CFAP20DC: variants seen among roughly 807,000 people sequenced by gnomAD.
The protein encoded by CFAP20DC is CFAP20 domain containing.
In CFAP20DC, 84 loss-of-function variants were observed where a neutral mutation model predicts 101.7. The observed-to-expected ratio is 0.83, with a 90% CI of 0.69 to 0.99. CFAP20DC has a LOEUF of 0.99. Ranked by LOEUF, CFAP20DC falls within the 50% of genes least tolerant of loss-of-function variation. The probability of loss-of-function intolerance (pLI) is 0.00; values close to 1 mark genes in which losing one functional copy is unlikely to be tolerated. For missense variants in CFAP20DC, 1,007 were observed against 970.3 expected, an observed-to-expected ratio of 1.04 and a Z score of -0.50; for synonymous variants, 359 against 351.2, an observed-to-expected ratio of 1.02 and a Z score of -0.25.
intron 4 of CFAP20DC, among the ~76,000 whole-genome samples, chr3:58,999,511 A>C (rs578029950): frequency 8.5e-5 from 13 of 152,266 alleles, no homozygotes; most frequent in African/African-American, 2.9e-4. Context: ...AAGGGGCCTA[A>C]AGACTCAAGC....
At chr3:58,886,640 C>T (rs1176920927) in intron 6 of CFAP20DC, among the ~76,000 whole-genome samples, 4 of 151,394 alleles carry the variant, frequency 2.6e-5, no homozygotes, top group African/African-American at 4.9e-5. Context: ...TGAGCCTGGG[C>T]GGTGGAGGCT....
intron 16 of CFAP20DC, among the ~76,000 whole-genome samples, chr3:58,743,118 T>C (rs1239048987): frequency 1.3e-5 from 2 of 152,192 alleles, no homozygotes; most frequent in African/African-American, 2.4e-5. Context: ...TTTGTAGTTT[T>C]ATTAGTGGTG....
intron 15 of CFAP20DC, among the ~76,000 whole-genome samples, chr3:58,760,895 A>G (rs1479921386): frequency 2.0e-5 from 3 of 152,190 alleles, no homozygotes. Flanking sequence ...CCACTTGATC[A>G]TGGTGGATAA....
chr3:58,987,466 G>A lies in CFAP20DC; in HGVS notation c.279-49704C>T, dbSNP rs558669460. On this transcript the variant is annotated intron_variant, in intron 4 of 16. Coordinates refer to ENST00000482387, the MANE Select transcript of CFAP20DC (RefSeq NM_001394063.1). ...GTTGGAAAAACAATATATTACAAAA[G>A]TGGAAAGAAGGATTAAGAAAATAAT... Among the ~76,000 whole-genome samples, 11 of 152,036 alleles carry A rather than the reference G, an allele frequency of 7.2e-5. No individual in the cohort carries two copies. In the East Asian group the frequency reaches 1.9e-3, roughly 27 times the overall value.
intron 14 of CFAP20DC, among the ~76,000 whole-genome samples, chr3:58,816,088 T>C (rs1001999322): frequency 4.6e-5 from 7 of 151,712 alleles, no homozygotes; most frequent in Non-Finnish European, 1.0e-4. Context: ...TTATTCACAA[T>C]AGCAAAGACT....
chr3:58,860,845 A>T (rs1000981810), intron 12 of CFAP20DC, among the ~76,000 whole-genome samples: 2 of 152,218 alleles, frequency 1.3e-5, no homozygotes, highest in Admixed American at 6.5e-5. Flanking sequence ...TTCATTTTAC[A>T]TGGTAGTCTT....
At chr3:58,865,417 T>C (rs554018060) in intron 11 of CFAP20DC, among the ~76,000 whole-genome samples, 65 of 152,324 alleles carry the variant, frequency 4.3e-4, no homozygotes, top group African/African-American at 1.5e-3. Context: ...GTATACTTCC[T>C]AGAGAAAACC....
chr3:58,930,157 A>G (rs2086438936), intron 5 of CFAP20DC, among the ~76,000 whole-genome samples: 1 of 152,144 alleles, frequency 6.6e-6, no homozygotes, highest in African/African-American at 2.4e-5. Context: ...TTGTATGGAA[A>G]AGGTCTGTTT....
In CFAP20DC at chr3:58,869,474, C is replaced by T. The variant is rs1320555925; in HGVS notation, c.869G>A (p.Gly290Glu). 5 of 1,609,948 alleles carry T rather than the reference C, an allele frequency of 3.1e-6. No individual in the cohort carries two copies. The South Asian group carries it at 4.4e-5, about 14-fold the overall frequency. Residue 290 changes from glycine to glutamate, a missense_variant, in exon 9 of 17, where the codon GGG becomes GAG. By Grantham distance (98) the Gly-to-Glu change is moderately conservative. Transcript: ENST00000482387. This position sits in a 1 kb window ranked among gnomAD's most constrained non-coding sequence, Gnocchi z 4.3. ...CTGGCATGATCGGTTATTTTTGGAC[C>T]CAACGGATCTCACTGTCTGTAAAGG... Reference protein sequence around the residue: ...KISSETVRSVGSKNNRSCQPS... With the variant: ...KISSETVRSVESKNNRSCQPS...
chr3:59,047,131 C>T, intron 2 of CFAP20DC, 34 bp downstream of exon 2: 3 of 1,344,944 alleles, frequency 2.2e-6, no homozygotes, highest in Non-Finnish European at 3.1e-6. Flanking sequence ...CATTTCTTCC[C>T]CTGATTTATG....
chr3:58,918,710 G>A (rs943783743), intron 5 of CFAP20DC, among the ~76,000 whole-genome samples: 4 of 151,820 alleles, frequency 2.6e-5, no homozygotes, highest in African/African-American at 9.7e-5. Context: ...TTCTTCCCAG[G>A]GATGCAAGAG....
At chr3:58,998,860 T>G (rs983579601) in intron 4 of CFAP20DC, among the ~76,000 whole-genome samples, 1 of 152,230 alleles carries the variant, frequency 6.6e-6, no homozygotes, top group Non-Finnish European at 1.5e-5. Context: ...TTAAAAATTA[T>G]GGAGACTTGT....
chr3:58,789,063 C>T (rs2072628445), intron 15 of CFAP20DC, among the ~76,000 whole-genome samples: 1 of 152,110 alleles, frequency 6.6e-6, no homozygotes, highest in Admixed American at 6.6e-5. Flanking sequence ...GTATAAAACT[C>T]ACCACACAGT....
Position 58,831,699 on chromosome 3 carries a change from G to T in CFAP20DC, c.2162C>A (p.Ser721Tyr). 6.2e-7 allele frequency: 1 copy of T among 1,613,892 alleles called. No homozygotes were observed. The highest frequency in any genetic ancestry group is 8.5e-7 in the Non-Finnish European group (1 of 1,179,924). ...CCAGGGACTCACGGGTGGCAGGCAG[G>T]AGTTCCAGGTGGTTGTGTCGTCACT... is the stretch of plus-strand genomic sequence containing the variant. ...TSSDDTTTWN[S>Y]CLPPPVNQGR... The change falls in exon 14 of 17, where the codon TCC (serine) becomes TAC (tyrosine). Residue 721 changes from serine to tyrosine, a missense_variant. Coordinates refer to ENST00000482387, the MANE Select transcript of CFAP20DC (RefSeq NM_001394063.1).
At chr3:58,725,518 C>A (rs556583644) in intron 3 of CFAP20DC, among the ~76,000 whole-genome samples, 1 of 152,298 alleles carries the variant, frequency 6.6e-6, no homozygotes, top group Admixed American at 6.5e-5. Flanking sequence ...GGTTCAATCA[C>A]CTGACAGGTG....
chr3:58,844,052 CA>C (rs2108230393), intron 13 of CFAP20DC, among the ~76,000 whole-genome samples: 1 of 98,618 alleles, frequency 1.0e-5, no homozygotes, highest in East Asian at 2.9e-4. Context: ...CCAGCCGCTG[CA>C]AAATCATGCC....
intron 14 of CFAP20DC, among the ~76,000 whole-genome samples, chr3:58,824,132 A>G (rs2075877910): frequency 1.3e-5 from 2 of 152,168 alleles, no homozygotes; most frequent in African/African-American, 4.8e-5. Flanking sequence ...ATCTGCTCAT[A>G]TGATTTATCT....
At position 58,913,152 on chromosome 3, in the gene CFAP20DC, A is replaced by G. The variant is rs2084322074; in HGVS notation, c.550+556T>C. 6.6e-6 allele frequency among the ~76,000 whole-genome samples: 1 copy of G among 152,168 alleles called. No homozygotes were observed. Among genetic ancestry groups the G allele is most frequent in the Non-Finnish European group, 1.5e-5 (1 of 68,028 alleles). On this transcript the variant is annotated intron_variant, in intron 6 of 16. Transcript: ENST00000482387. The surrounding 1 kb of genome is among the most constrained non-coding windows in gnomAD (Gnocchi z 4.4). ...TGATAAGGGTGGCAGGGAAGAAAACATCCTACTTTCAGGGGCTGCTGTAAC... is the reference window on the plus strand; with the variant it reads ...TGATAAGGGTGGCAGGGAAGAAAACGTCCTACTTTCAGGGGCTGCTGTAAC...
intron 3 of CFAP20DC, chr3:58,726,600 T>C (rs1041660087): frequency 1.1e-5 from 2 of 180,080 alleles, no homozygotes; most frequent in Non-Finnish European, 1.2e-5. Context: ...AAGTGACCCA[T>C]CCCTTCCACT....
Sources: gnomAD v4.1 joint callset for allele counts (sites outside exome capture counted in the v4.1 genomes callset) on GRCh38, gnomAD v4.1.1 for gene constraint, Gnocchi (gnomAD v3.1) non-coding constraint, MANE v1.5 for transcripts, NCBI Gene and HGNC (gene_info 2026-07-23, HGNC 2026-07-21) for gene names.